Variants in ALDH1L1 observed in about 807,000 individuals in gnomAD.
ALDH1L1 encodes cytosolic 10-formyltetrahydrofolate dehydrogenase.
In ALDH1L1, 68 loss-of-function variants were observed where a neutral mutation model predicts 101.1. The observed-to-expected ratio is 0.67, with a 90% CI of 0.55 to 0.82. The LOEUF (loss-of-function observed/expected upper bound fraction) is 0.82. ALDH1L1 is among the 40% of genes least tolerant of loss of function. The pLI, the probability that ALDH1L1 is intolerant of heterozygous loss-of-function variation, is 0.00. For synonymous variants in ALDH1L1, 486 were observed against 470.8 expected (o/e 1.03, Z -0.42); for missense variants, 1,087 against 1,172.7 (o/e 0.93, Z 1.07).
At chr3:126,184,900 TG>T (rs2081504711), upstream of ALDH1L1, among the ~76,000 whole-genome samples, 1 of 152,112 alleles carries the variant, frequency 6.6e-6, no homozygotes, top group Admixed American at 6.5e-5. Context: ...GTTTTAATTT[TG>T]GAGCCAGTGT....
At chr3:126,150,314 G>A in intron 8 of ALDH1L1, 92 bp downstream of exon 8, 1 of 1,485,342 alleles carries the variant, frequency 6.7e-7, no homozygotes, top group Non-Finnish European at 9.0e-7. Flanking sequence ...CAGAGGGCTG[G>A]CGCTGCCCAA....
At chr3:126,120,338 C>T (rs183292368) in intron 16 of ALDH1L1, among the ~76,000 whole-genome samples, 22 of 141,558 alleles carry the variant, frequency 1.6e-4, no homozygotes, top group Non-Finnish European at 3.3e-4. Context: ...ATGGAAGAAC[C>T]TCAAATACAT....
chr3:126,181,143 C>G (rs923573219), upstream of ALDH1L1: 18 of 751,680 alleles, frequency 2.4e-5, no homozygotes, highest in Middle Eastern at 3.5e-4. Context: ...TCTGCAATTC[C>G]CCTTCTCCAC....
At position 126,125,622 on chromosome 3, in the gene ALDH1L1, A is replaced by G; in HGVS notation, c.1794T>C (p.Pro598=). ...AGAGTGAACCCACGCTCACCTGAGC[A>G]GGCTTGATCACCACTGTGTTCCCGG... ...LAAGNTVVIK[P]AQVTPLTALK... Residue 598 remains proline, a synonymous_variant, in exon 15 of 23, where the codon CCT becomes CCC. Coordinates refer to ENST00000393434, the MANE Select transcript of ALDH1L1 (RefSeq NM_012190.4). 1 of 1,575,270 alleles carries G rather than the reference A, an allele frequency of 6.3e-7. No individual in the cohort carries two copies. The highest frequency in any genetic ancestry group is 2.3e-5 in the East Asian group (1 of 42,582).
Position 126,105,880 on chromosome 3 carries a change from G to A in ALDH1L1, c.2499C>T (p.Gly833=), listed in dbSNP as rs1162961810. 1 of 1,614,132 alleles carries A rather than the reference G, an allele frequency of 6.2e-7. No homozygotes were observed. ...CCCTGGTGAAGACACCAGAAGCCAGGCCAAATTCCGTGGCATTGGCCCGAG... is the reference window on the plus strand; with the variant it reads ...CCCTGGTGAAGACACCAGAAGCCAGACCAAATTCCGTGGCATTGGCCCGAG... ...VLSRANATEF[G]LASGVFTRDI... is the part of the protein sequence containing the mutation. Residue 833 remains glycine, a synonymous_variant, in exon 22 of 23, where the codon GGC becomes GGT. Transcript: ENST00000393434.
chr3:126,154,465 T>C lies in ALDH1L1; in HGVS notation c.720+89A>G, dbSNP rs1437132273. ...GGGCCAGGGCAGTAGCTATTTATTA[T>C]ACCAACCAGTTCAAACATGTGTGAC... On this transcript the variant is annotated intron_variant, in intron 6 of 22. Coordinates refer to ENST00000393434, the MANE Select transcript of ALDH1L1 (RefSeq NM_012190.4). 15 of 1,338,832 alleles carry C rather than the reference T, an allele frequency of 1.1e-5. No individual in the cohort carries two copies. The East Asian group carries it at 3.0e-4, about 27-fold the overall frequency. The allele number at this position is 1,338,832 out of a possible 1,614,324, so 82.9% of individuals were successfully genotyped here. A position where few individuals can be genotyped will look rare whatever the true frequency, so the allele number is the denominator to read the frequency against.
At chr3:126,130,084 A>T in intron 14 of ALDH1L1, 139 bp downstream of exon 14, 1 of 658,642 alleles carries the variant, frequency 1.5e-6, no homozygotes, top group Non-Finnish European at 2.3e-6. Context: ...GGCATGGAGC[A>T]GGTGCTCAAG....
At chr3:126,173,544 AAG>A (rs945269007) in intron 1 of ALDH1L1, among the ~76,000 whole-genome samples, 1 of 152,242 alleles carries the variant, frequency 6.6e-6, no homozygotes, top group Non-Finnish European at 1.5e-5. Context: ...TGGAAGAAAA[AAG>A]AAACAAAGGG....
chr3:126,130,218 C>G lies in ALDH1L1; in HGVS notation c.1694+5G>C. 2 of 1,604,976 alleles carry G rather than the reference C, an allele frequency of 1.2e-6. No individual in the cohort carries two copies. The highest frequency in any genetic ancestry group is 1.7e-6 in the Non-Finnish European group (2 of 1,175,712). On this transcript the variant is annotated splice_donor_5th_base_variant and intron_variant, in intron 14 of 22. Coordinates refer to ENST00000393434, the MANE Select transcript of ALDH1L1 (RefSeq NM_012190.4). Reference sequence around the variant, plus strand: ...GGCTGCACCTCGCCCTGGGCAGGAACTCACCCAACAGGCTCCTTCCTGGTC... The same window carrying G: ...GGCTGCACCTCGCCCTGGGCAGGAAGTCACCCAACAGGCTCCTTCCTGGTC...
At chr3:126,163,285 T>C (rs2081098486) in intron 1 of ALDH1L1, among the ~76,000 whole-genome samples, 1 of 152,234 alleles carries the variant, frequency 6.6e-6, no homozygotes, top group Admixed American at 6.5e-5. Flanking sequence ...ATTGATTTTG[T>C]ACACTGACGT....
At chr3:126,139,489 A>G (rs1182155741) in intron 9 of ALDH1L1, among the ~76,000 whole-genome samples, 1 of 143,240 alleles carries the variant, frequency 7.0e-6, no homozygotes, top group African/African-American at 2.8e-5. Flanking sequence ...ATGACCAAGA[A>G]AGATCTACAA....
chr3:126,178,381 AAAAAAAAAAAAAAAG>A (rs1422187927), intron 1 of ALDH1L1, among the ~76,000 whole-genome samples: 5 of 78,870 alleles, frequency 6.3e-5, no homozygotes, highest in African/African-American at 3.8e-4. Context: ...ACCCTGTCTC[AAAAAAAAAAAAAAAG>A]AAAAAAAAAA....
intron 14 of ALDH1L1, 132 bp from the exon 15 acceptor site, chr3:126,125,853 G>T (rs2080171858): frequency 1.6e-5 from 9 of 575,128 alleles, no homozygotes; most frequent in Middle Eastern, 5.5e-4. Context: ...GGCACCCAAG[G>T]TCCCTCTGAG....
chr3:126,116,244 A>G (rs1267191939), intron 17 of ALDH1L1, among the ~76,000 whole-genome samples: 1 of 146,476 alleles, frequency 6.8e-6, no homozygotes, highest in Non-Finnish European at 1.5e-5. Flanking sequence ...GTTCTGTTCT[A>G]TTTATTTATT....
intron 16 of ALDH1L1, among the ~76,000 whole-genome samples, chr3:126,122,638 G>C (rs1425313461): frequency 6.6e-6 from 1 of 152,128 alleles, no homozygotes; most frequent in Non-Finnish European, 1.5e-5. Flanking sequence ...AACATATATA[G>C]ATGTTATATG....
At chr3:126,181,066 T>G, upstream of ALDH1L1, 1 of 1,506,744 alleles carries the variant, frequency 6.6e-7, no homozygotes. Context: ...TCCGGGTGGA[T>G]AGCGGCGCTT....
chr3:126,184,794 G>A (rs373704390), upstream of ALDH1L1, among the ~76,000 whole-genome samples: 4 of 152,190 alleles, frequency 2.6e-5, no homozygotes, highest in South Asian at 8.3e-4. Context: ...CTGTGTGTAC[G>A]CTGCAAAGGA....
Position 126,146,899 on chromosome 3 carries a change from C to T in ALDH1L1, c.1012G>A (p.Val338Ile). ...RSVWQRILPKVLEVEDSTDFF... is the reference protein window; with the variant it reads ...RSVWQRILPKILEVEDSTDFF... The stretch of plus-strand genomic sequence containing the variant: ...TCAGTGGAGTCTTCAACCTCCAGGA[C>T]TTTGGGGAGGATCCGCTGCCAAACA... The change falls in exon 9 of 23, where the codon GTC becomes ATC. Residue 338 changes from valine to isoleucine, a missense_variant. By Grantham distance (29) the Val-to-Ile change is conservative (BLOSUM62 3). Transcript: ENST00000393434. The T allele has an allele frequency of 1.9e-6, 3 of 1,614,074 alleles. No homozygotes were observed. Among genetic ancestry groups the T allele is most frequent in the Non-Finnish European group, 2.5e-6 (3 of 1,179,996 alleles).
Position 126,155,446 on chromosome 3 carries a change from C to A in ALDH1L1, c.586G>T (p.Glu196Ter). Residue 196 changes from glutamate (E) to a stop codon, truncating the protein, a stop_gained, in exon 5 of 23, where the codon GAA becomes TAA. Coordinates refer to ENST00000393434, the MANE Select transcript of ALDH1L1 (RefSeq NM_012190.4). LOFTEE classifies it high-confidence loss of function. ...GKAPRLPQPE[E>*]GATYEGIQKK... ...TGAATCCCCTCATAGGTGGCTCCTT[C>A]CTCAGGCTGAGGGAGTCTGGGGGCT... 6.2e-7 allele frequency: 1 copy of A among 1,613,416 alleles called. No homozygotes were observed. Among genetic ancestry groups the A allele is most frequent in the Non-Finnish European group, 8.5e-7 (1 of 1,179,780 alleles).
Sources: allele counts gnomAD v4.1 joint callset (sites outside exome capture counted in the v4.1 genomes callset), GRCh38; gene constraint gnomAD v4.1.1; transcripts MANE v1.5; gene names NCBI Gene and HGNC (gene_info 2026-07-23, HGNC 2026-07-21).